CALN1: variants seen among roughly 807,000 people sequenced by gnomAD.
CALN1 encodes calneuron 1, also known as calcium-binding protein 8.
CALN1 carries 17 observed loss-of-function variants against 30.6 expected under a neutral mutation model. The observed-to-expected ratio is 0.56, with a 90% CI of 0.38 to 0.83. The LOEUF is 0.83. CALN1 is among the 40% of genes least tolerant of loss of function. The pLI is 0.00. For synonymous variants in CALN1, 156 were observed against 131.4 expected (o/e 1.19, Z -1.28); for missense variants, 291 against 354.9 (o/e 0.82, Z 1.45).
intron 2 of CALN1, among the ~76,000 whole-genome samples, chr7:72,325,769 A>G (rs1306369263): frequency 6.6e-6 from 1 of 152,206 alleles, no homozygotes; most frequent in Non-Finnish European, 1.5e-5. Flanking sequence ...TCTATTGGTG[A>G]CCTGCTCCCA....
At chr7:71,990,653 A>G (rs1798899516) in intron 5 of CALN1, among the ~76,000 whole-genome samples, 1 of 152,030 alleles carries the variant, frequency 6.6e-6, no homozygotes, top group Non-Finnish European at 1.5e-5. Flanking sequence ...GGGTTTCACC[A>G]TGTTGGCCAG....
At chr7:72,362,650 A>G (rs1803638254) in intron 2 of CALN1, among the ~76,000 whole-genome samples, 1 of 152,062 alleles carries the variant, frequency 6.6e-6, no homozygotes, top group African/African-American at 2.4e-5. Context: ...CCCTCCACAC[A>G]GCTGGCTGTC....
chr7:72,299,777 C>T (rs1290508381), intron 2 of CALN1, among the ~76,000 whole-genome samples: 1 of 151,226 alleles, frequency 6.6e-6, no homozygotes, highest in African/African-American at 2.4e-5. Context: ...TCAAGGGATC[C>T]TCCTGCCTCG....
Position 71,990,170 on chromosome 7 carries a change from C to T in CALN1, c.501+33487G>A, listed in dbSNP as rs554075093. Among the ~76,000 whole-genome samples, 3 of 152,200 alleles carry T rather than the reference C, an allele frequency of 2.0e-5. No individual in the cohort carries two copies. In the East Asian group the frequency reaches 5.8e-4, roughly 29 times the overall value. On this transcript the variant is annotated intron_variant, in intron 5 of 6. Coordinates refer to ENST00000395275, the MANE Select transcript of CALN1 (RefSeq NM_031468.4). ...CCGAAACCCACTAAAACCAAAATGG[C>T]GATGAAAGTGACCCCTGGTCGTCCT...
chr7:72,293,613 C>T (rs11762675), intron 2 of CALN1, among the ~76,000 whole-genome samples: 8 of 151,696 alleles, frequency 5.3e-5, no homozygotes, highest in Non-Finnish European at 7.4e-5. Flanking sequence ...GCAGATAAAT[C>T]CGTAAGAAAG....
intron 3 of CALN1, among the ~76,000 whole-genome samples, chr7:72,249,678 T>C (rs1795421346): frequency 6.6e-6 from 1 of 152,162 alleles, no homozygotes; most frequent in South Asian, 2.1e-4. Flanking sequence ...GGCAGGTGAC[T>C]GTAATCCCAG....
Position 71,786,863 on chromosome 7 carries a change from GC to G in CALN1, c.*911del, listed in dbSNP as rs1172399090. On this transcript the variant is annotated 3_prime_UTR_variant, in exon 7 of 7. Coordinates refer to ENST00000395275, the MANE Select transcript of CALN1 (RefSeq NM_031468.4). ...TCCCCCCTCAACCTGCCTCACCCCT[GC>G]CCCAAAGAAGCAGGGATGAGTGTGG... 3.9e-5 allele frequency: 6 copies of G among 152,552 alleles called. No homozygotes were observed. Among genetic ancestry groups the G allele is most frequent in the Non-Finnish European group, 1.5e-5 (1 of 68,040 alleles). 9.4% of individuals were successfully genotyped at this position (152,552 alleles called of 1,614,324 possible).
chr7:72,367,708 G>A (rs1010075392), intron 2 of CALN1, among the ~76,000 whole-genome samples: 1 of 148,586 alleles, frequency 6.7e-6, no homozygotes, highest in Non-Finnish European at 1.5e-5. Flanking sequence ...GGTGGCACAC[G>A]CCTGTGGTCC....
At chr7:71,809,475 A>AAAAAG (rs1482274268) in intron 6 of CALN1, among the ~76,000 whole-genome samples, 1 of 150,980 alleles carries the variant, frequency 6.6e-6, no homozygotes, top group Non-Finnish European at 1.5e-5. Context: ...AAAAAAAAAA[A>AAAAAG]AAAGAAAAGA....
intron 5 of CALN1, among the ~76,000 whole-genome samples, chr7:71,846,687 C>T (rs1790257558): frequency 6.7e-6 from 1 of 150,330 alleles, no homozygotes; most frequent in Non-Finnish European, 1.5e-5. Context: ...TATTTATCTA[C>T]CTGTCTACTT....
the CALN1 span, among the ~76,000 whole-genome samples, chr7:72,496,435 T>A: frequency 6.6e-6 from 1 of 152,222 alleles, no homozygotes; most frequent in Non-Finnish European, 1.5e-5. Context: ...AAAACAACTA[T>A]ATCATGTCCT....
chr7:71,984,649 T>C (rs1441830671), intron 5 of CALN1, among the ~76,000 whole-genome samples: 3 of 152,092 alleles, frequency 2.0e-5, no homozygotes. Context: ...AGGAGACCCA[T>C]GGCAGGGGCT....
intron 3 of CALN1, among the ~76,000 whole-genome samples, chr7:72,260,242 G>A (rs1796174712): frequency 6.6e-6 from 1 of 152,136 alleles, no homozygotes; most frequent in African/African-American, 2.4e-5. Context: ...CCTGTGCAGT[G>A]ATAAGAATAA....
rs553077606 is a variant in CALN1 at position 72,446,280 on chromosome 7, C to T, written c.-226+762G>A. On this transcript the variant is annotated intron_variant, in intron 1 of 6. Coordinates refer to the CALN1 transcript ENST00000395276. Reference sequence around the variant, plus strand: ...GATTTGCAGATAGATGTTCTCTGAGCCCAAGTACAATTTACACAATGCAAT... The same window carrying T: ...GATTTGCAGATAGATGTTCTCTGAGTCCAAGTACAATTTACACAATGCAAT... 1.1e-4 allele frequency among the ~76,000 whole-genome samples: 17 copies of T among 152,246 alleles called. No individual in the cohort carries two copies. In the South Asian group the frequency reaches 2.9e-3, roughly 26 times the overall value.
intron 4 of CALN1, among the ~76,000 whole-genome samples, chr7:72,099,077 G>A (rs1015227049): frequency 2.6e-5 from 4 of 152,172 alleles, no homozygotes; most frequent in Admixed American, 6.5e-5. Context: ...CCGAAGGTAT[G>A]ACCTCACTGT....
intron 4 of CALN1, among the ~76,000 whole-genome samples, chr7:72,028,058 CAAAAAAAAAAAAAAA>C (rs34092922): frequency 2.4e-5 from 2 of 82,870 alleles, no homozygotes; most frequent in Non-Finnish European, 5.4e-5. Flanking sequence ...GACTCCGTCT[CAAAAAAAAAAAAAAA>C]AAAAAAAAAA....
At chr7:71,994,408 A>T (rs989938084) in intron 5 of CALN1, among the ~76,000 whole-genome samples, 4 of 148,076 alleles carry the variant, frequency 2.7e-5, no homozygotes, top group African/African-American at 7.4e-5. Flanking sequence ...GCTACTTGGG[A>T]GGCTGAGGCA....
chr7:72,010,566 C>T (rs1800011597), intron 5 of CALN1, among the ~76,000 whole-genome samples: 1 of 152,094 alleles, frequency 6.6e-6, no homozygotes, highest in Admixed American at 6.6e-5. Context: ...AATCTCAGCA[C>T]TTTGGGAGGC....
chr7:72,316,949 G>A (rs78871600), intron 2 of CALN1, among the ~76,000 whole-genome samples: 8,510 of 99,102 alleles, frequency 0.086, 792 homozygotes, highest in East Asian at 0.45. Flanking sequence ...CCTCTCAAAA[G>A]AAAAATAAAC....
Sources: allele counts gnomAD v4.1 joint callset (sites outside exome capture counted in the v4.1 genomes callset), GRCh38; gene constraint gnomAD v4.1.1; transcripts MANE v1.5; gene names NCBI Gene and HGNC (gene_info 2026-07-23, HGNC 2026-07-21).